EGFR: variants seen among roughly 807,000 people sequenced by gnomAD.
The protein encoded by EGFR is epidermal growth factor receptor, also known as avian erythroblastic leukemia viral (v-erb-b) oncogene homolog.
EGFR carries 58 observed loss-of-function variants against 143.0 expected under a neutral mutation model. The ratio of observed to expected loss-of-function variants is 0.41; its 90% confidence interval spans 0.33 to 0.50. The LOEUF is 0.50. Among genes scored for constraint, EGFR ranks in the 20% least tolerant of loss-of-function variants. The pLI, the probability that EGFR is intolerant of heterozygous loss-of-function variation, is 0.39. For synonymous variants in EGFR, 613 were observed against 594.4 expected, an observed-to-expected ratio of 1.03 and a Z score of -0.45; for missense variants, 1,307 against 1,579.0, an observed-to-expected ratio of 0.83 and a Z score of 2.92.
intron 1 of EGFR, among the ~76,000 whole-genome samples, chr7:55,032,387 A>G (rs983489769): frequency 3.3e-5 from 5 of 152,228 alleles, no homozygotes; most frequent in Admixed American, 6.5e-5. Context: ...GGAAAAAATG[A>G]TATCTGAAGA....
chr7:55,194,662 C>A (rs1166683170), intron 22 of EGFR, among the ~76,000 whole-genome samples: 1 of 152,222 alleles, frequency 6.6e-6, no homozygotes, highest in East Asian at 1.9e-4. Flanking sequence ...ACGCTCCAGG[C>A]ATAGCCTGTG....
chr7:55,052,922 C>T (rs185703371), intron 1 of EGFR, among the ~76,000 whole-genome samples: 3 of 152,188 alleles, frequency 2.0e-5, no homozygotes, highest in Non-Finnish European at 4.4e-5. Context: ...CCAAGCAGGT[C>T]GACTCTCTCG....
At chr7:55,156,390 T>G in intron 8 of EGFR, 143 bp from the exon 9 acceptor site, 1 of 1,208,440 alleles carries the variant, frequency 8.3e-7, no homozygotes, top group Non-Finnish European at 1.2e-6. Context: ...GCCCCTTCAG[T>G]GTTTGTTGAG....
chr7:55,104,546 GA>G (rs1792016253), intron 1 of EGFR, among the ~76,000 whole-genome samples: 1 of 152,214 alleles, frequency 6.6e-6, no homozygotes, highest in Admixed American at 6.5e-5. Context: ...TTATCTGAAG[GA>G]TTCCAGGGAT....
chr7:55,049,398 C>T (rs1788355230), intron 1 of EGFR, among the ~76,000 whole-genome samples: 1 of 152,192 alleles, frequency 6.6e-6, no homozygotes, highest in South Asian at 2.1e-4. Context: ...CTATAGAGAA[C>T]TCAGCTGCCA....
intron 19 of EGFR, among the ~76,000 whole-genome samples, chr7:55,177,172 G>A (rs1179315656): frequency 8.5e-5 from 13 of 152,052 alleles, no homozygotes; most frequent in Admixed American, 2.6e-4. Context: ...TGAAGCCTGT[G>A]GTTTGTGGTT....
intron 15 of EGFR, chr7:55,168,548 C>T (rs1786185456): frequency 1.9e-6 from 3 of 1,609,334 alleles, no homozygotes; most frequent in Non-Finnish European, 2.6e-6. Flanking sequence ...CACTGTCTGA[C>T]TTTAGTCTCC....
intron 1 of EGFR, among the ~76,000 whole-genome samples, chr7:55,104,723 G>T (rs1792028702): frequency 6.6e-6 from 1 of 152,188 alleles, no homozygotes; most frequent in Non-Finnish European, 1.5e-5. Context: ...CCAACCCACT[G>T]TAAGAGGCTA....
chr7:55,019,687 G>A (rs576140013), intron 1 of EGFR, among the ~76,000 whole-genome samples: 94 of 152,198 alleles, frequency 6.2e-4, no homozygotes, highest in Middle Eastern at 6.8e-3. Flanking sequence ...GCCCAGCTGC[G>A]CAGGATCGGC....
intron 1 of EGFR, among the ~76,000 whole-genome samples, chr7:55,061,641 T>TGA (rs1789182939): frequency 7.1e-6 from 1 of 139,912 alleles, no homozygotes; most frequent in South Asian, 2.2e-4. Context: ...TGTGTGTGTG[T>TGA]GTGTGTGTGA....
At chr7:55,032,547 C>T (rs1464314510) in intron 1 of EGFR, among the ~76,000 whole-genome samples, 2 of 152,160 alleles carry the variant, frequency 1.3e-5, no homozygotes, top group African/African-American at 2.4e-5. Flanking sequence ...ATGACCCGGA[C>T]GTGTTCACAG....
chr7:55,169,969 A>G (rs17336967), intron 15 of EGFR, among the ~76,000 whole-genome samples: 1 of 152,222 alleles, frequency 6.6e-6, no homozygotes, highest in Non-Finnish European at 1.5e-5. Flanking sequence ...AGAGACTGCT[A>G]TTAGGTCTGT....
rs1214590403 is a variant in EGFR, at chr7:55,201,274, G to A, written c.3033G>A (p.Val1011=). 3 of 1,614,010 alleles carry A rather than the reference G, an allele frequency of 1.9e-6. No individual in the cohort carries two copies. Among genetic ancestry groups the A allele is most frequent in the Non-Finnish European group, 1.7e-6 (2 of 1,180,034 alleles). The part of the protein sequence containing the change: ...LMDEEDMDDV[V]DADEYLIPQQ... ...ATGAAGAAGACATGGACGACGTGGT[G>A]GATGCCGACGAGTACCTCATCCCAC... The change falls in exon 25 of 28, where the codon GTG becomes GTA. Residue 1011 remains valine (V), a synonymous_variant. Transcript: ENST00000275493.
intron 6 of EGFR, among the ~76,000 whole-genome samples, chr7:55,153,351 C>T (rs949242031): frequency 7.9e-5 from 12 of 152,252 alleles, no homozygotes; most frequent in Admixed American, 7.8e-4. Flanking sequence ...GACGCCAAGG[C>T]TGGTGGATGT....
At chr7:55,064,950 G>A (rs777800263) in intron 1 of EGFR, among the ~76,000 whole-genome samples, 17 of 152,010 alleles carry the variant, frequency 1.1e-4, no homozygotes, top group Non-Finnish European at 1.6e-4. Context: ...ACAACACTGC[G>A]TCCTCCTGGA....
At chr7:55,168,541 T>C (rs766573897) in intron 15 of EGFR, 59 of 1,606,680 alleles carry the variant, frequency 3.7e-5, no homozygotes, top group Non-Finnish European at 5.0e-5. Flanking sequence ...AAATCTTCAC[T>C]GTCTGACTTT....
chr7:55,173,100 G>A lies in EGFR; in HGVS notation c.2037G>A (p.Leu679=), dbSNP rs2128952662. ...RRRHIVRKRT[L]RRLLQERELV... Reference sequence around the variant, plus strand: ...GCCACATCGTTCGGAAGCGCACGCTGCGGAGGCTGCTGCAGGAGAGGGAGG... The same window carrying A: ...GCCACATCGTTCGGAAGCGCACGCTACGGAGGCTGCTGCAGGAGAGGGAGG... Residue 679 remains leucine (L), a synonymous_variant, in exon 17 of 28, where the codon CTG becomes CTA. Transcript: ENST00000275493. 1 of 1,611,946 alleles carries A rather than the reference G, an allele frequency of 6.2e-7. No individual in the cohort carries two copies. Among genetic ancestry groups the A allele is most frequent in the Non-Finnish European group, 8.5e-7 (1 of 1,180,002 alleles).
rs1037034484 is a variant in EGFR at position 55,206,952 on chromosome 7, C to T, written c.*1335C>T. The T allele has an allele frequency of 4.3e-6, 1 of 233,198 alleles. No individual in the cohort carries two copies. The highest frequency in any genetic ancestry group is 8.5e-6 in the Non-Finnish European group (1 of 117,996). The allele number at this position is 233,198 out of a possible 1,614,324, so 14.4% of individuals were successfully genotyped here. A position where few individuals can be genotyped will look rare whatever the true frequency, so the allele number is the denominator to read the frequency against. On this transcript the variant is annotated 3_prime_UTR_variant, in exon 28 of 28. Transcript: ENST00000275493. ...TTTGAAATTGATAATGCTTTCACAA[C>T]ATTTGCAGATGTTTTAGAAGGAAAA...
chr7:55,103,770 C>T (rs1791961313), intron 1 of EGFR, among the ~76,000 whole-genome samples: 1 of 152,162 alleles, frequency 6.6e-6, no homozygotes, highest in Non-Finnish European at 1.5e-5. Flanking sequence ...CTGTTTCTTC[C>T]TTGTCACATC....
Sources: allele counts gnomAD v4.1 joint callset (sites outside exome capture counted in the v4.1 genomes callset), GRCh38; gene constraint gnomAD v4.1.1; transcripts MANE v1.5; gene names NCBI Gene and HGNC (gene_info 2026-07-23, HGNC 2026-07-21).